The following NALF1 variants were observed in gnomAD, a reference collection of about 807,000 sequenced individuals.
NALF1 encodes family with sequence similarity 155 member A.
In NALF1, 3 loss-of-function variants were observed where a neutral mutation model predicts 48.4. The observed-to-expected ratio is 0.06, with a 90% CI of 0.03 to 0.16. NALF1 has a LOEUF of 0.16. Ranked by LOEUF, NALF1 falls within the 10% of genes least tolerant of loss-of-function variation. The pLI is 1.00. For synonymous variants in NALF1, 262 were observed against 245.7 expected, an observed-to-expected ratio of 1.07 and a Z score of -0.62; for missense variants, 526 against 571.5, an observed-to-expected ratio of 0.92 and a Z score of 0.81.
chr13:107,817,293 C>T (rs1397724537), intron 1 of NALF1, among the ~76,000 whole-genome samples: 1 of 152,164 alleles, frequency 6.6e-6, no homozygotes, highest in Non-Finnish European at 1.5e-5. Flanking sequence ...CACAAAATCA[C>T]ACATTTTGAG....
At chr13:107,262,547 C>T (rs896278177) in intron 1 of NALF1, among the ~76,000 whole-genome samples, 1 of 152,190 alleles carries the variant, frequency 6.6e-6, no homozygotes, top group African/African-American at 2.4e-5. Flanking sequence ...AGTTAATTCA[C>T]TTCCAAAATG....
intron 1 of NALF1, among the ~76,000 whole-genome samples, chr13:107,239,327 C>G (rs549726279): frequency 6.6e-6 from 1 of 152,202 alleles, no homozygotes; most frequent in East Asian, 1.9e-4. Flanking sequence ...GTGGTGTTGC[C>G]GGTCACCCTC....
intron 1 of NALF1, among the ~76,000 whole-genome samples, chr13:107,377,299 GAGA>G (rs1365250276): frequency 6.6e-6 from 1 of 152,238 alleles, no homozygotes; most frequent in Non-Finnish European, 1.5e-5. Context: ...TGCAGAGCTA[GAGA>G]AGAAGGATCT....
chr13:107,395,715 A>G (rs1414740611), intron 1 of NALF1, among the ~76,000 whole-genome samples: 1 of 152,132 alleles, frequency 6.6e-6, no homozygotes, highest in East Asian at 1.9e-4. Context: ...GCTGGAAATC[A>G]GAGATCAAGT....
At chr13:107,187,694 C>A (rs1051276941) in intron 2 of NALF1, among the ~76,000 whole-genome samples, 10 of 152,184 alleles carry the variant, frequency 6.6e-5, no homozygotes, top group African/African-American at 2.2e-4. Context: ...CAGGTAATTC[C>A]TGGCCCTTTT....
intron 1 of NALF1, among the ~76,000 whole-genome samples, chr13:107,578,874 C>T (rs970251995): frequency 1.3e-5 from 2 of 152,064 alleles, no homozygotes; most frequent in South Asian, 2.1e-4. Flanking sequence ...TATGTTTGTA[C>T]CCTTTAGAGC....
intron 1 of NALF1, among the ~76,000 whole-genome samples, chr13:107,554,459 G>A (rs1307882058): frequency 1.3e-5 from 2 of 152,148 alleles, no homozygotes; most frequent in African/African-American, 4.8e-5. Flanking sequence ...ACAAAACACA[G>A]GGTGCCGCTG....
In NALF1 at chr13:107,711,195, G is replaced by A. The variant is rs547108647; in HGVS notation, c.915+154487C>T. On this transcript the variant is annotated intron_variant, in intron 1 of 2. Transcript: ENST00000375915. ...TGTTGGCAACCTGAGGGAAGAGCGT[G>A]CATCTTTCATGTCACAGTGTTACCC... 2.0e-5 allele frequency among the ~76,000 whole-genome samples: 3 copies of A among 152,124 alleles called. No homozygotes were observed. The South Asian group carries it at 6.2e-4, about 32-fold the overall frequency.
chr13:107,393,646 CAAT>C (rs1883663452), intron 1 of NALF1, among the ~76,000 whole-genome samples: 1 of 152,064 alleles, frequency 6.6e-6, no homozygotes, highest in Non-Finnish European at 1.5e-5. Flanking sequence ...GGAAATAGCT[CAAT>C]TAAAAGAACA....
chr13:107,670,206 A>T (rs1372019511), intron 1 of NALF1, among the ~76,000 whole-genome samples: 4 of 152,142 alleles, frequency 2.6e-5, no homozygotes, highest in Non-Finnish European at 4.4e-5. Context: ...ACAGGCATCA[A>T]TTAGGTGAAT....
intron 1 of NALF1, among the ~76,000 whole-genome samples, chr13:107,278,607 T>G (rs1178663468): frequency 2.6e-5 from 4 of 152,224 alleles, no homozygotes; most frequent in Non-Finnish European, 5.9e-5. Context: ...CTTCTGAATA[T>G]ATTAATTTTA....
intron 1 of NALF1, among the ~76,000 whole-genome samples, chr13:107,444,066 TA>T (rs1832348275): frequency 1.3e-5 from 2 of 152,138 alleles, no homozygotes; most frequent in Non-Finnish European, 2.9e-5. Flanking sequence ...CAAAAATTGA[TA>T]ATAAAATTAG....
chr13:107,411,440 G>C (rs759915434), intron 1 of NALF1, among the ~76,000 whole-genome samples: 5 of 151,676 alleles, frequency 3.3e-5, no homozygotes, highest in Non-Finnish European at 5.9e-5. Context: ...ACCCCACAAA[G>C]TATTGGGATT....
intron 1 of NALF1, among the ~76,000 whole-genome samples, chr13:107,575,467 G>A (rs1203969999): frequency 6.6e-6 from 1 of 152,094 alleles, no homozygotes. Context: ...GAGAGTCCCT[G>A]ACCTGGTTCT....
intron 1 of NALF1, among the ~76,000 whole-genome samples, chr13:107,348,426 A>T (rs1204974089): frequency 6.6e-6 from 1 of 151,852 alleles, no homozygotes; most frequent in Non-Finnish European, 1.5e-5. Flanking sequence ...GAAAATCTTA[A>T]TTTTTTTTTA....
chr13:107,705,710 A>T (rs1881932035), intron 1 of NALF1, among the ~76,000 whole-genome samples: 1 of 152,168 alleles, frequency 6.6e-6, no homozygotes, highest in Non-Finnish European at 1.5e-5. Flanking sequence ...ATTATAACAT[A>T]AAAAACAGGG....
Position 107,362,894 on chromosome 13 carries a change from G to T in NALF1, c.916-152139C>A, listed in dbSNP as rs2138956740. Among the ~76,000 whole-genome samples, 1 of 152,144 alleles carries T rather than the reference G, an allele frequency of 6.6e-6. No homozygotes were observed. Among genetic ancestry groups the T allele is most frequent in the Non-Finnish European group, 1.5e-5 (1 of 68,022 alleles). On this transcript the variant is annotated intron_variant, in intron 1 of 2. Transcript: ENST00000375915. The surrounding 1 kb of genome is among the most constrained non-coding windows in gnomAD (Gnocchi z 4.6). ...TTGGGTTATCTATACATACCTTTAG[G>T]CTCATGATAAAGGTAGAAACTATCT...
Position 107,170,402 on chromosome 13 carries a change from TC to T in NALF1, c.*94del. 2 of 1,286,074 alleles carry T rather than the reference TC, an allele frequency of 1.6e-6. No homozygotes were observed. Among genetic ancestry groups the T allele is most frequent in the Non-Finnish European group, 2.1e-6 (2 of 932,032 alleles). 79.7% of individuals were successfully genotyped at this position (1,286,074 alleles called of 1,614,324 possible). ...CCCTAAAGGCCTTGCAATAAGTAAT[TC>T]GAGGGTAAAAGCACCCAGTTTCTGT... On this transcript the variant is annotated 3_prime_UTR_variant, in exon 3 of 3. Coordinates refer to ENST00000375915, the MANE Select transcript of NALF1 (RefSeq NM_001080396.3).
At chr13:107,741,854 C>A (rs1409402066) in intron 1 of NALF1, among the ~76,000 whole-genome samples, 1 of 152,100 alleles carries the variant, frequency 6.6e-6, no homozygotes, top group African/African-American at 2.4e-5. Flanking sequence ...TATCAATGAA[C>A]AAGGAAAAAC....
Sources: gnomAD v4.1 joint callset for allele counts (sites outside exome capture counted in the v4.1 genomes callset) on GRCh38, gnomAD v4.1.1 for gene constraint, Gnocchi (gnomAD v3.1) non-coding constraint, MANE v1.5 for transcripts, NCBI Gene and HGNC (gene_info 2026-07-23, HGNC 2026-07-21) for gene names.